The following FGF12 variants were observed in gnomAD, a reference collection of about 807,000 sequenced individuals.
FGF12 encodes the protein fibroblast growth factor 12B.
Under a neutral mutation model 23.6 loss-of-function variants are expected in FGF12, and 14 were observed. The observed-to-expected ratio is 0.59, with a 90% CI of 0.39 to 0.93. The LOEUF (loss-of-function observed/expected upper bound fraction) is 0.93. Ranked by LOEUF, FGF12 falls within the 40% of genes least tolerant of loss-of-function variation. The pLI is 0.00. For missense variants in FGF12, 175 were observed against 217.8 expected (o/e 0.80, Z 1.24); for synonymous variants, 62 against 77.3 (o/e 0.80, Z 1.04).
chr3:192,691,263 C>A lies in FGF12; in HGVS notation c.13+35918G>T, dbSNP rs59956828. Among the ~76,000 whole-genome samples, 192 of 152,012 alleles carry A rather than the reference C, an allele frequency of 1.3e-3. 1 individual carries two copies. Among genetic ancestry groups the A allele is most frequent in the African/African-American group, 4.5e-3 (186 of 41,468 alleles). ...TTCTTAATGGCACACGGAACATTGT[C>A]GAGTATAGATTAAATGTGGGGTCAC... On this transcript the variant is annotated intron_variant, in intron 2 of 5. Coordinates refer to ENST00000445105, the MANE Select transcript of FGF12 (RefSeq NM_004113.6).
intron 4 of FGF12, among the ~76,000 whole-genome samples, chr3:192,173,441 T>G (rs181460155): frequency 1.4e-4 from 19 of 140,002 alleles, no homozygotes; most frequent in Admixed American, 1.2e-3. Flanking sequence ...TGTCTCAATA[T>G]TGCCAGGACA....
intron 4 of FGF12, among the ~76,000 whole-genome samples, chr3:192,182,152 T>C (rs1716214383): frequency 6.6e-6 from 1 of 152,166 alleles, no homozygotes; most frequent in Non-Finnish European, 1.5e-5. Flanking sequence ...GTATTATGTA[T>C]GATTGGAAAA....
chr3:192,423,773 C>A, intron 2 of FGF12, among the ~76,000 whole-genome samples: 1 of 152,072 alleles, frequency 6.6e-6, no homozygotes, highest in Non-Finnish European at 1.5e-5. Flanking sequence ...CTATTAAAGA[C>A]TATATTTTAG....
intron 2 of FGF12, among the ~76,000 whole-genome samples, chr3:192,410,559 A>G (rs1279287321): frequency 6.6e-6 from 1 of 152,200 alleles, no homozygotes; most frequent in Non-Finnish European, 1.5e-5. Context: ...TTAGGAAGAA[A>G]GTGAACACTG....
intron 2 of FGF12, among the ~76,000 whole-genome samples, chr3:192,631,955 A>G (rs905658549): frequency 6.6e-6 from 1 of 152,212 alleles, no homozygotes; most frequent in African/African-American, 2.4e-5. Context: ...CTCCTTTTAC[A>G]TATTAGTAAA....
chr3:192,165,084 G>T (rs1278220043), intron 5 of FGF12, among the ~76,000 whole-genome samples: 5 of 151,980 alleles, frequency 3.3e-5, no homozygotes, highest in Non-Finnish European at 7.4e-5. Context: ...CTCCCAAGTA[G>T]CGGGGATTAC....
intron 3 of FGF12, among the ~76,000 whole-genome samples, chr3:192,347,166 C>T (rs1280081248): frequency 1.3e-5 from 2 of 152,128 alleles, no homozygotes; most frequent in Non-Finnish European, 2.9e-5. Flanking sequence ...CAGTATGCTT[C>T]ATTGTTGAAA....
intron 4 of FGF12, among the ~76,000 whole-genome samples, chr3:192,276,675 G>A (rs2108634836): frequency 6.6e-6 from 1 of 152,182 alleles, no homozygotes; most frequent in Admixed American, 6.5e-5. Context: ...CAAGGTGGGT[G>A]ATAGAAACCA....
Position 192,144,879 on chromosome 3 carries a change from A to G in FGF12, c.428-752T>C, listed in dbSNP as rs1033629617. Among the ~76,000 whole-genome samples, 7 of 152,194 alleles carry G rather than the reference A, an allele frequency of 4.6e-5. No individual in the cohort carries two copies. The East Asian group carries it at 1.3e-3, about 29-fold the overall frequency. On this transcript the variant is annotated intron_variant, in intron 5 of 5. Transcript: ENST00000445105. ...TTCAAATTATTCAAGTTATTCTTAC[A>G]AAACACGTTAATTCAGCTTCATTAC... is the stretch of plus-strand genomic sequence containing the variant.
chr3:192,357,557 G>A (rs539537973), intron 3 of FGF12, among the ~76,000 whole-genome samples: 36 of 151,668 alleles, frequency 2.4e-4, no homozygotes, highest in Admixed American at 5.9e-4. Context: ...CTGGGCAACA[G>A]AGCGAGATTC....
In FGF12 at chr3:192,421,391, A is replaced by G. The variant is rs77726774; in HGVS notation, c.14-60853T>C. Among the ~76,000 whole-genome samples the G allele has an allele frequency of 1.3e-3, 202 of 150,950 alleles. 1 individual carries two copies. The highest frequency in any genetic ancestry group is 4.8e-3 in the African/African-American group (198 of 41,146). On this transcript the variant is annotated intron_variant, in intron 2 of 5. Coordinates refer to ENST00000445105, the MANE Select transcript of FGF12 (RefSeq NM_004113.6). ...AATAAGAAAAAAAAGTATATAGTCT[A>G]GAGTACCCAAATATTTTCAATGTGA...
chr3:192,400,913 C>A (rs1189337697), intron 2 of FGF12, among the ~76,000 whole-genome samples: 2 of 152,170 alleles, frequency 1.3e-5, no homozygotes, highest in African/African-American at 4.8e-5. Context: ...TCAACATCAT[C>A]TATAGCCTAG....
At chr3:192,317,182 T>G (rs1352129348) in intron 4 of FGF12, among the ~76,000 whole-genome samples, 5 of 151,874 alleles carry the variant, frequency 3.3e-5, no homozygotes, top group Non-Finnish European at 5.9e-5. Flanking sequence ...AAGAGACTCC[T>G]TCTGCTTGAG....
chr3:192,463,043 T>A (rs1229021929), intron 2 of FGF12, among the ~76,000 whole-genome samples: 1 of 151,968 alleles, frequency 6.6e-6, no homozygotes, highest in Non-Finnish European at 1.5e-5. Context: ...AATCCCCAGG[T>A]ATAGAGGAGG....
rs1717546344 is a variant in FGF12 at position 192,681,984 on chromosome 3, C to G, written c.13+45197G>C. Among the ~76,000 whole-genome samples the G allele has an allele frequency of 2.6e-5, 4 of 152,252 alleles. No individual in the cohort carries two copies. In the South Asian group the frequency reaches 8.3e-4, roughly 32 times the overall value. ...GGGAAGCCATTCTTCTCTGCCCACC[C>G]TTTTTATAAAAATGGAGATGTTAAG... On this transcript the variant is annotated intron_variant, in intron 2 of 5. Transcript: ENST00000445105.
chr3:192,527,240 C>T (rs1018831959), intron 2 of FGF12, among the ~76,000 whole-genome samples: 1 of 152,168 alleles, frequency 6.6e-6, no homozygotes, highest in Admixed American at 6.5e-5. Context: ...TGCTAGCAGC[C>T]TTCCCTGCCT....
intron 2 of FGF12, among the ~76,000 whole-genome samples, chr3:192,383,301 A>G (rs978161181): frequency 6.6e-6 from 1 of 152,192 alleles, no homozygotes; most frequent in Non-Finnish European, 1.5e-5. Flanking sequence ...TATGGAGCCA[A>G]TGGGGAGGCT....
intron 2 of FGF12, among the ~76,000 whole-genome samples, chr3:192,427,716 G>C (rs1412572180): frequency 6.6e-6 from 1 of 152,156 alleles, no homozygotes; most frequent in Non-Finnish European, 1.5e-5. Context: ...GATACTGAGA[G>C]GCTCTTGAAG....
At chr3:192,386,070 T>C (rs1189418889) in intron 2 of FGF12, among the ~76,000 whole-genome samples, 2 of 152,220 alleles carry the variant, frequency 1.3e-5, no homozygotes, top group Admixed American at 1.3e-4. Flanking sequence ...TGCTAGAATA[T>C]GGTAAGTTTT....
Sources: gnomAD v4.1 joint callset for allele counts (sites outside exome capture counted in the v4.1 genomes callset) on GRCh38, gnomAD v4.1.1 for gene constraint, MANE v1.5 for transcripts, NCBI Gene and HGNC (gene_info 2026-07-23, HGNC 2026-07-21) for gene names.